RAP1A: variants seen among roughly 807,000 people sequenced by gnomAD.
The protein encoded by RAP1A is ras-related protein Rap-1A.
A neutral mutation model predicts 26.4 loss-of-function variants in RAP1A; 6 were observed. The ratio of observed to expected loss-of-function variants is 0.23; its 90% CI spans 0.12 to 0.45. RAP1A has a LOEUF of 0.45. Among genes scored for constraint, RAP1A ranks in the 20% least tolerant of loss-of-function variants. The probability of loss-of-function intolerance (pLI) is 0.99; values close to 1 mark genes in which losing one functional copy is unlikely to be tolerated. For missense variants in RAP1A, 121 were observed against 217.2 expected (o/e 0.56, Z 2.78); for synonymous variants, 73 against 79.4 (o/e 0.92, Z 0.43).
chr1:111,607,953 G>A (rs1438106242), intron 1 of RAP1A, among the ~76,000 whole-genome samples: 2 of 124,876 alleles, frequency 1.6e-5, no homozygotes, highest in African/African-American at 6.4e-5. Context: ...GGGCAGAGGC[G>A]CCCCTCACCT....
At chr1:111,629,477 A>G (rs960321485) in intron 1 of RAP1A, among the ~76,000 whole-genome samples, 1 of 152,196 alleles carries the variant, frequency 6.6e-6, no homozygotes, top group African/African-American at 2.4e-5. Context: ...CCAATGGAGA[A>G]AAGAAGCAAC....
intron 1 of RAP1A, among the ~76,000 whole-genome samples, chr1:111,680,241 TTTA>T (rs781635906): frequency 6.6e-6 from 1 of 152,154 alleles, no homozygotes; most frequent in African/African-American, 2.4e-5. Context: ...AGCAGCAAGA[TTTA>T]TTATGAAGAG....
At chr1:111,690,488 GAAAAATGCCTCTAGGC>G (rs1361816316) in intron 1 of RAP1A, among the ~76,000 whole-genome samples, 3 of 152,336 alleles carry the variant, frequency 2.0e-5, no homozygotes, top group Admixed American at 6.5e-5. Context: ...ACCACAGTCT[GAAAAATGCCTCTAGGC>G]AGAAAGCCAG....
chr1:111,701,081 T>G (rs536162329), intron 4 of RAP1A, among the ~76,000 whole-genome samples: 1 of 152,342 alleles, frequency 6.6e-6, no homozygotes, highest in South Asian at 2.1e-4. Flanking sequence ...TTTCCTCAGC[T>G]TAAATTATGC....
At chr1:111,677,562 A>C (rs138373765) in intron 1 of RAP1A, among the ~76,000 whole-genome samples, 135 of 152,338 alleles carry the variant, frequency 8.9e-4, no homozygotes, top group African/African-American at 3.0e-3. Flanking sequence ...GGCTAAAATC[A>C]AGATAAGCTT....
intron 1 of RAP1A, among the ~76,000 whole-genome samples, chr1:111,620,522 G>C (rs1388226577): frequency 6.6e-6 from 1 of 152,202 alleles, no homozygotes; most frequent in Non-Finnish European, 1.5e-5. Flanking sequence ...GGGTAGACTG[G>C]AGCATTGCTG....
chr1:111,610,979 C>G (rs1385395676), intron 1 of RAP1A, among the ~76,000 whole-genome samples: 1 of 151,446 alleles, frequency 6.6e-6, no homozygotes, highest in Non-Finnish European at 1.5e-5. Flanking sequence ...TTTTTTATTC[C>G]AAGCCCATTG....
At chr1:111,579,083 C>T (rs375991861) in intron 1 of RAP1A, among the ~76,000 whole-genome samples, 31 of 152,314 alleles carry the variant, frequency 2.0e-4, no homozygotes, top group East Asian at 1.5e-3. Context: ...ACCCTCCTGG[C>T]GTCTCCTAGT....
At chr1:111,684,501 C>T (rs520489) in intron 1 of RAP1A, among the ~76,000 whole-genome samples, 129,291 of 152,100 alleles carry the variant, frequency 0.85, 55,043 homozygotes, top group East Asian at 1. Flanking sequence ...ACACTAATAA[C>T]AGCCAAATCA....
At chr1:111,689,230 G>A (rs575346992) in intron 1 of RAP1A, among the ~76,000 whole-genome samples, 8 of 151,962 alleles carry the variant, frequency 5.3e-5, no homozygotes, top group Admixed American at 5.2e-4. Context: ...CTGCTTGATA[G>A]CTTGGTATTG....
chr1:111,610,571 CACACACACA>C (rs1557864917), intron 1 of RAP1A, among the ~76,000 whole-genome samples: 7 of 144,052 alleles, frequency 4.9e-5, no homozygotes, highest in South Asian at 2.3e-4. Flanking sequence ...CACACACACA[CACACACACA>C]CCCAACACCA....
At chr1:111,611,674 G>T (rs528091786) in intron 1 of RAP1A, among the ~76,000 whole-genome samples, 1 of 138,238 alleles carries the variant, frequency 7.2e-6, no homozygotes, top group African/African-American at 2.7e-5. Flanking sequence ...AGCTCAGAAC[G>T]GTTAAATAAT....
Position 111,550,452 on chromosome 1 carries a change from T to A in RAP1A, c.-28+7943T>A, listed in dbSNP as rs1050489127. Among the ~76,000 whole-genome samples the A allele has an allele frequency of 5.3e-5, 8 of 152,318 alleles. No individual in the cohort carries two copies. The East Asian group carries it at 1.5e-3, about 29-fold the overall frequency. ...ATTTGAGATCTTTCTTCTTTTTTAA[T>A]GAAGGTGTTCAACTAACTGTAAATT... On this transcript the variant is annotated intron_variant, in intron 1 of 7. Coordinates refer to the RAP1A transcript ENST00000356415.
At chr1:111,656,934 CA>C in intron 1 of RAP1A, among the ~76,000 whole-genome samples, 1 of 152,224 alleles carries the variant, frequency 6.6e-6, no homozygotes, top group South Asian at 2.1e-4. Context: ...ACTTCACCAC[CA>C]TCTGTTTACA....
chr1:111,580,400 T>C (rs537632518), intron 1 of RAP1A, among the ~76,000 whole-genome samples: 216 of 152,238 alleles, frequency 1.4e-3, no homozygotes, highest in African/African-American at 5.1e-3. Flanking sequence ...CTTTTTGAGA[T>C]GGTTGTAAGG....
intron 1 of RAP1A, among the ~76,000 whole-genome samples, chr1:111,561,698 A>G (rs1388945775): frequency 6.6e-6 from 1 of 152,082 alleles, no homozygotes; most frequent in African/African-American, 2.4e-5. Flanking sequence ...CTTCTCATTT[A>G]TGGAAGTGTC....
At chr1:111,565,317 C>T in intron 1 of RAP1A, among the ~76,000 whole-genome samples, 1 of 152,176 alleles carries the variant, frequency 6.6e-6, no homozygotes, top group East Asian at 1.9e-4. Context: ...GGCATTCAAC[C>T]TCGTTCAAAC....
At chr1:111,556,007 A>G (rs1657478310) in intron 1 of RAP1A, among the ~76,000 whole-genome samples, 1 of 152,214 alleles carries the variant, frequency 6.6e-6, no homozygotes, top group Non-Finnish European at 1.5e-5. Context: ...ATATTTGTAA[A>G]TCATGTATGT....
intron 1 of RAP1A, among the ~76,000 whole-genome samples, chr1:111,655,799 G>T (rs918656244): frequency 6.7e-6 from 1 of 150,194 alleles, no homozygotes; most frequent in Admixed American, 6.7e-5. Flanking sequence ...TCAGCCTCCC[G>T]AGTAGCTGGG....
Sources: gnomAD v4.1 joint callset for allele counts (sites outside exome capture counted in the v4.1 genomes callset) on GRCh38, gnomAD v4.1.1 for gene constraint, MANE v1.5 for transcripts, NCBI Gene and HGNC (gene_info 2026-07-23, HGNC 2026-07-21) for gene names.